LRP5: variants seen among roughly 807,000 people sequenced by gnomAD.
The protein encoded by LRP5 is low-density lipoprotein receptor-related protein 5.
LRP5 carries 62 observed loss-of-function variants against 154.1 expected under a neutral mutation model. The ratio of observed to expected loss-of-function variants is 0.40; its 90% CI spans 0.33 to 0.50. The LOEUF (loss-of-function observed/expected upper bound fraction) is 0.50, where lower values mean the gene tolerates loss of function less well. Ranked by LOEUF, LRP5 falls within the 20% of genes least tolerant of loss-of-function variation. The pLI is 0.55. For synonymous variants in LRP5, 966 were observed against 1,011.5 expected, an observed-to-expected ratio of 0.96 and a Z score of 0.85; for missense variants, 1,915 against 2,336.7, an observed-to-expected ratio of 0.82 and a Z score of 3.72.
rs945260824 is a variant in LRP5, at chr11:68,386,446, G to A, written c.1146G>A (p.Pro382=). 14 of 1,613,948 alleles carry A rather than the reference G, an allele frequency of 8.7e-6. No individual in the cohort carries two copies. Among genetic ancestry groups the A allele is most frequent in the African/African-American group, 2.7e-5 (2 of 74,928 alleles). ...IRHAIAIDYD[P]LEGYVYWTDD... ...ACGCCATTGCCATCGACTACGACCC[G>A]CTAGAGGGCTATGTCTACTGGACAG... is the stretch of plus-strand genomic sequence containing the variant. The change falls in exon 6 of 23, where the codon CCG becomes CCA. Residue 382 remains proline (P), a synonymous_variant. Transcript: ENST00000294304. The surrounding 1 kb of genome is among the most constrained non-coding windows in gnomAD (Gnocchi z 7.9).
chr11:68,405,939 C>T (rs1024832820), intron 8 of LRP5, among the ~76,000 whole-genome samples: 1 of 152,246 alleles, frequency 6.6e-6, no homozygotes, highest in Non-Finnish European at 1.5e-5. Context: ...GCGTTCACTG[C>T]TTTCTTCCTG....
upstream of LRP5, among the ~76,000 whole-genome samples, chr11:68,307,809 CA>C (rs2098584803): frequency 6.6e-6 from 1 of 152,122 alleles, no homozygotes; most frequent in South Asian, 2.1e-4. Flanking sequence ...GACAGCTAGA[CA>C]TTATCTTAAA....
At chr11:68,344,042 CCGCCCGAGGGA>C (rs2098610689) in intron 1 of LRP5, among the ~76,000 whole-genome samples, 1 of 152,114 alleles carries the variant, frequency 6.6e-6, no homozygotes, top group African/African-American at 2.4e-5. Context: ...CTGCCTTCCC[CCGCCCGAGGGA>C]CTTCACCCGC....
At chr11:68,335,557 C>G (rs1461962550) in intron 1 of LRP5, among the ~76,000 whole-genome samples, 1 of 152,020 alleles carries the variant, frequency 6.6e-6, no homozygotes, top group African/African-American at 2.4e-5. Context: ...GAGTGAGACC[C>G]TGTCTCTAAA....
intron 17 of LRP5, among the ~76,000 whole-genome samples, 186 bp from the exon 18 acceptor site, chr11:68,433,416 G>T (rs1270151728): frequency 6.6e-6 from 1 of 152,236 alleles, no homozygotes; most frequent in Non-Finnish European, 1.5e-5. Flanking sequence ...CTGGGTTGGG[G>T]CTGGAGGTGG....
chr11:68,420,737 G>A (rs570777901), intron 13 of LRP5, among the ~76,000 whole-genome samples: 2 of 151,998 alleles, frequency 1.3e-5, no homozygotes, highest in African/African-American at 2.4e-5. Context: ...ATGGATGGAC[G>A]GACCACTTCT....
chr11:68,382,312 C>T (rs1377127901), intron 5 of LRP5, among the ~76,000 whole-genome samples: 1 of 152,178 alleles, frequency 6.6e-6, no homozygotes, highest in Non-Finnish European at 1.5e-5. Context: ...TGGGTGTGCT[C>T]AGCCCCTGAA....
chr11:68,414,883 C>T (rs1192048261), intron 12 of LRP5, among the ~76,000 whole-genome samples: 1 of 152,184 alleles, frequency 6.6e-6, no homozygotes, highest in African/African-American at 2.4e-5. Context: ...CTGGGACTTC[C>T]CATGCCTGGG....
the LRP5 span, among the ~76,000 whole-genome samples, chr11:68,306,979 G>C: frequency 6.6e-6 from 1 of 152,200 alleles, no homozygotes; most frequent in Non-Finnish European, 1.5e-5. Flanking sequence ...CATGAATGCA[G>C]TGCTTTAAAA....
intron 1 of LRP5, among the ~76,000 whole-genome samples, chr11:68,326,440 C>A (rs1302444721): frequency 6.6e-6 from 1 of 152,260 alleles, no homozygotes; most frequent in Non-Finnish European, 1.5e-5. Context: ...AGCTTCACTG[C>A]TGAAGGCAGG....
rs1177388051 is a variant in LRP5 at position 68,411,625 on chromosome 11, G to A, written c.2503+5G>A. 1 of 1,606,776 alleles carries A rather than the reference G, an allele frequency of 6.2e-7. No individual in the cohort carries two copies. Among genetic ancestry groups the A allele is most frequent in the Non-Finnish European group, 8.5e-7 (1 of 1,176,816 alleles). On this transcript the variant is annotated splice_donor_5th_base_variant and intron_variant, in intron 11 of 22. Coordinates refer to ENST00000294304, the MANE Select transcript of LRP5 (RefSeq NM_002335.4). ...TCGAGTCGTCCAACATGCTGGGTGA[G>A]GGCCGGGCTGGGGCCTTCTGGTCAT...
At chr11:68,345,885 T>C (rs1406335601) in intron 1 of LRP5, among the ~76,000 whole-genome samples, 1 of 152,184 alleles carries the variant, frequency 6.6e-6, no homozygotes, top group African/African-American at 2.4e-5. Context: ...TGGTATCTTA[T>C]TGTAGTTTTG....
At position 68,447,071 on chromosome 11, in the gene LRP5, G is replaced by GC. The variant is rs147878085; in HGVS notation, c.4586+544dup. ...AACGGGGCTGCTCAGCTGGACACCA[G>GC]CCCCCCGAGCTGCCCATGTTGGGGT... On this transcript the variant is annotated intron_variant, in intron 22 of 22. Transcript: ENST00000294304. This position sits in a 1 kb window ranked among gnomAD's most constrained non-coding sequence, Gnocchi z 4.3. 5.6e-5 allele frequency: 10 copies of GC among 177,512 alleles called. No individual in the cohort carries two copies. Among genetic ancestry groups the GC allele is most frequent in the South Asian group, 2.4e-4 (2 of 8,444 alleles). The allele number at this position is 177,512 out of a possible 1,614,324, so 11.0% of individuals were successfully genotyped here. A position where few individuals can be genotyped will look rare whatever the true frequency, so the allele number is the denominator to read the frequency against.
Position 68,409,923 on chromosome 11 carries a change from C to T in LRP5, c.2101C>T (p.Arg701Cys), listed in dbSNP as rs948033415. Reference protein sequence around the residue: ...WTDVSLKTISRAFMNGSSVEH... With the variant: ...WTDVSLKTISCAFMNGSSVEH... ...CCTCACCTGCTGCCAGACCATCAGCCGCGCCTTCATGAACGGGAGCTCGGT... is the reference window on the plus strand; with the variant it reads ...CCTCACCTGCTGCCAGACCATCAGCTGCGCCTTCATGAACGGGAGCTCGGT... The change falls in exon 10 of 23, where the codon CGC becomes TGC. Residue 701 changes from arginine (R) to cysteine (C), a missense_variant. This residue lies in a region of LRP5 where 773 missense variants were observed against 1,100.9 expected (regional missense o/e 0.70). Coordinates refer to ENST00000294304, the MANE Select transcript of LRP5 (RefSeq NM_002335.4). The T allele has an allele frequency of 6.8e-6, 11 of 1,613,478 alleles. No individual in the cohort carries two copies. Among genetic ancestry groups the T allele is most frequent in the Admixed American group, 5.0e-5 (3 of 59,956 alleles).
Position 68,386,509 on chromosome 11 carries a change from C to T in LRP5, c.1209C>T (p.Asp403=), listed in dbSNP as rs142055640. 107 of 1,614,070 alleles carry T rather than the reference C, an allele frequency of 6.6e-5. No individual in the cohort carries two copies. The highest frequency in any genetic ancestry group is 3.1e-4 in the East Asian group (14 of 44,876). Residue 403 remains aspartate (D), a synonymous_variant, in exon 6 of 23, where the codon GAC becomes GAT. Coordinates refer to ENST00000294304, the MANE Select transcript of LRP5 (RefSeq NM_002335.4). This position sits in a 1 kb window ranked among gnomAD's most constrained non-coding sequence, Gnocchi z 7.9. The part of the protein sequence containing the change: ...EVRAIRRAYL[D]GSGAQTLVNT... ...GGGCCATCCGCAGGGCGTACCTGGA[C>T]GGGTCTGGGGCGCAGACGCTGGTCA...
rs1312931779 is a variant in LRP5 at position 68,363,801 on chromosome 11, G to A, written c.741G>A (p.Gly247=). 2.5e-6 allele frequency: 4 copies of A among 1,613,010 alleles called. No homozygotes were observed. Among genetic ancestry groups the A allele is most frequent in the Non-Finnish European group, 2.5e-6 (3 of 1,179,874 alleles). ...ACCCCTTCGCCCTGACGCTCTCCGG[G>A]GACACTCTGTACTGGACAGACTGGC... The part of the protein sequence containing the change: ...LTHPFALTLS[G]DTLYWTDWQT... The change falls in exon 4 of 23, where the codon GGG becomes GGA. Residue 247 remains glycine (G), a synonymous_variant. Transcript: ENST00000294304.
intron 16 of LRP5, among the ~76,000 whole-genome samples, chr11:68,429,260 GTAAA>G (rs1194271401): frequency 1.3e-5 from 2 of 152,078 alleles, no homozygotes; most frequent in African/African-American, 2.4e-5. Flanking sequence ...CTCAAAGTAA[GTAAA>G]TAGGAGGAGA....
intron 1 of LRP5, among the ~76,000 whole-genome samples, chr11:68,330,017 C>T (rs1369304778): frequency 6.6e-6 from 1 of 152,210 alleles, no homozygotes; most frequent in Admixed American, 6.5e-5. Context: ...AGTGAAAACG[C>T]ACATTTGCAG....
intron 1 of LRP5, among the ~76,000 whole-genome samples, chr11:68,344,884 A>G (rs1393128876): frequency 1.3e-4 from 11 of 82,824 alleles, no homozygotes; most frequent in African/African-American, 5.4e-4. Flanking sequence ...TTTTTTGCAG[A>G]CAGAGTCTCG....
Sources: allele counts gnomAD v4.1 joint callset (sites outside exome capture counted in the v4.1 genomes callset), GRCh38; gene constraint gnomAD v4.1.1; regional missense constraint gnomAD v4.1.1; non-coding constraint Gnocchi (gnomAD v3.1); transcripts MANE v1.5; gene names NCBI Gene and HGNC (gene_info 2026-07-23, HGNC 2026-07-21).